MAGEC3: variants seen among roughly 807,000 people sequenced by gnomAD.
MAGEC3 encodes the protein melanoma-associated antigen C3.
MAGEC3 carries 34 observed loss-of-function variants against 35.3 expected under a neutral mutation model. The ratio of observed to expected loss-of-function variants is 0.96; its 90% CI spans 0.73 to 1.28. MAGEC3 has a LOEUF of 1.28. Among genes scored for constraint, MAGEC3 ranks in the 50% most tolerant of loss-of-function variants. The pLI, the probability that MAGEC3 is intolerant of heterozygous loss-of-function variation, is 0.00. For missense variants in MAGEC3, 561 were observed against 483.6 expected (o/e 1.16, Z -1.50); for synonymous variants, 202 against 185.6 (o/e 1.09, Z -0.72).
In MAGEC3 at chrX:141,855,235, G is replaced by A. The variant is rs1289070444; in HGVS notation, c.124-10236G>A. ...TAGAAGATAGTTGTTTTTTTTTTCT[G>A]GATCAGCATGTTATCTACTGCTGTG... On this transcript the variant is annotated intron_variant, in intron 1 of 7. Transcript: ENST00000298296. 2.7e-5 allele frequency among the ~76,000 whole-genome samples: 3 copies of A among 109,443 alleles called. No individual in the cohort carries two copies. The Admixed American group carries it at 2.9e-4, about 11-fold the overall frequency.
intron 1 of MAGEC3, among the ~76,000 whole-genome samples, chrX:141,862,311 G>A (rs774783454): frequency 9.0e-6 from 1 of 111,536 alleles, no homozygotes; most frequent in Non-Finnish European, 1.9e-5. Context: ...GTGGGAAAAA[G>A]GAAACTCTTA....
At chrX:141,882,656 T>A (rs1339126670) in intron 4 of MAGEC3, among the ~76,000 whole-genome samples, 1 of 112,430 alleles carries the variant, frequency 8.9e-6, no homozygotes, top group Non-Finnish European at 1.9e-5. Context: ...AATTAAATGT[T>A]AATAAATAAA....
chrX:141,845,804 G>C (rs1454749568), intron 1 of MAGEC3, among the ~76,000 whole-genome samples: 1 of 110,755 alleles, frequency 9.0e-6, no homozygotes, highest in Non-Finnish European at 1.9e-5. Context: ...CGTTGAAAAA[G>C]GATTTATGGG....
rs146975485 is a variant in MAGEC3, at chrX:141,897,148, G to T, written c.1390G>T (p.Val464Leu). The change falls in exon 7 of 8, where the codon GTG becomes TTG. Residue 464 changes from valine to leucine, a missense_variant. By Grantham distance (32) the Val-to-Leu change is conservative. Transcript: ENST00000298296. ...YALDEKVAEL[V>L]QFLLLKYQTK... ...CCTGGATGAAAAGGTGGCTGAGTTG[G>T]TGCAGTTTCTTCTCCTCAAATATCA... is the stretch of plus-strand genomic sequence containing the variant. 312 of 1,210,288 alleles carry T rather than the reference G, an allele frequency of 2.6e-4. No homozygotes were observed. Among genetic ancestry groups the T allele is most frequent in the Admixed American group, 3.9e-4 (18 of 45,822 alleles).
chrX:141,868,267 G>T (rs1475806885), intron 2 of MAGEC3, among the ~76,000 whole-genome samples: 1 of 111,332 alleles, frequency 9.0e-6, no homozygotes, highest in Non-Finnish European at 1.9e-5. Flanking sequence ...TAATATTTAG[G>T]ACTTTTTCTG....
intron 4 of MAGEC3, among the ~76,000 whole-genome samples, chrX:141,883,978 GA>G (rs1157251739): frequency 8.8e-6 from 1 of 113,343 alleles, no homozygotes; most frequent in African/African-American, 3.2e-5. Context: ...AGCTGTTCAG[GA>G]ATGTTCAGTC....
intron 2 of MAGEC3, among the ~76,000 whole-genome samples, chrX:141,875,021 C>G (rs1300886938): frequency 2.7e-5 from 3 of 111,342 alleles, no homozygotes; most frequent in Non-Finnish European, 5.6e-5. Context: ...GAACGCTGAT[C>G]TATACAAAGT....
chrX:141,880,824 G>A (rs780124743), intron 3 of MAGEC3: 2 of 1,135,147 alleles, frequency 1.8e-6, no homozygotes, highest in East Asian at 7.1e-5. Flanking sequence ...CACCTTAAGA[G>A]AAGAAGAGCT....
At chrX:141,888,034 A>G (rs1392283710) in intron 4 of MAGEC3, among the ~76,000 whole-genome samples, 2 of 112,043 alleles carry the variant, frequency 1.8e-5, no homozygotes, top group East Asian at 2.8e-4. Context: ...GCAGCATTCC[A>G]TCATCAAATG....
intron 2 of MAGEC3, among the ~76,000 whole-genome samples, chrX:141,873,743 C>T (rs940590649): frequency 3.6e-5 from 4 of 111,890 alleles, no homozygotes; most frequent in African/African-American, 1.3e-4. Flanking sequence ...ATTCAATTTT[C>T]AAGGATAGAA....
At chrX:141,893,153 A>G (rs978976039) in intron 4 of MAGEC3, among the ~76,000 whole-genome samples, 49 of 111,831 alleles carry the variant, frequency 4.4e-4, no homozygotes, top group African/African-American at 1.6e-3. Context: ...ATAGCGCTCT[A>G]CACCCAGGAG....
intron 2 of MAGEC3, among the ~76,000 whole-genome samples, chrX:141,870,453 A>G (rs1304655440): frequency 9.0e-6 from 1 of 111,565 alleles, no homozygotes; most frequent in East Asian, 2.8e-4. Flanking sequence ...AAAAAAACCC[A>G]TATAATACCC....
At chrX:141,881,909 C>T in intron 4 of MAGEC3, 113 bp downstream of exon 4, 1 of 979,976 alleles carries the variant, frequency 1.0e-6, no homozygotes, top group Non-Finnish European at 1.4e-6. Flanking sequence ...AGTGCTCCTC[C>T]ACGTTATGAA....
intron 2 of MAGEC3, among the ~76,000 whole-genome samples, chrX:141,875,266 G>A (rs138472985): frequency 1.8e-5 from 2 of 111,286 alleles, no homozygotes; most frequent in African/African-American, 6.5e-5. Flanking sequence ...GAGAGAAAGG[G>A]AGGCATCAAG....
chrX:141,839,737 T>C (rs963235449), intron 1 of MAGEC3: 1 of 742,441 alleles, frequency 1.3e-6, no homozygotes, highest in Non-Finnish European at 1.6e-6. Flanking sequence ...CCCTGGATCA[T>C]TACTTACTGT....
intron 1 of MAGEC3, among the ~76,000 whole-genome samples, chrX:141,851,632 G>A (rs1356339261): frequency 9.0e-6 from 1 of 110,672 alleles, no homozygotes; most frequent in Non-Finnish European, 1.9e-5. Context: ...ACACCTGTTA[G>A]CAACCACTCT....
chrX:141,853,620 T>G (rs2017763953), intron 1 of MAGEC3, among the ~76,000 whole-genome samples: 1 of 111,626 alleles, frequency 9.0e-6, no homozygotes, highest in Admixed American at 9.5e-5. Flanking sequence ...AAGACAGATT[T>G]CTGGACTTTC....
At chrX:141,896,760 G>A (rs1410534062) in intron 6 of MAGEC3, 122 bp from the exon 7 acceptor site, 1 of 1,209,109 alleles carries the variant, frequency 8.3e-7, no homozygotes, top group Non-Finnish European at 1.1e-6. Context: ...ATGAGGAGGA[G>A]GAGGATGCCT....
rs2018035127 is a variant in MAGEC3, at chrX:141,890,673, T to C, written c.910-4596T>C. ...AAAAAGTTGAAATATTTCAAGGTAA[T>C]GTTGGCATTCCCAGAAACAATTCCA... On this transcript the variant is annotated intron_variant, in intron 4 of 7. Transcript: ENST00000298296. Among the ~76,000 whole-genome samples the C allele has an allele frequency of 2.7e-5, 3 of 112,286 alleles. No homozygotes were observed. In the Admixed American group the frequency reaches 2.8e-4, roughly 11 times the overall value.
Sources: allele counts gnomAD v4.1 joint callset (sites outside exome capture counted in the v4.1 genomes callset), GRCh38; gene constraint gnomAD v4.1.1; transcripts MANE v1.5; gene names NCBI Gene and HGNC (gene_info 2026-07-23, HGNC 2026-07-21).